Variants in WWP2 observed in about 807,000 individuals in gnomAD.
WWP2 encodes the protein WW domain containing E3 ubiquitin protein ligase 2.
A neutral mutation model predicts 121.0 loss-of-function variants in WWP2; 57 were observed. That is an observed-to-expected ratio of 0.47 (90% CI 0.38 to 0.59). The LOEUF is 0.59. Among genes scored for constraint, WWP2 ranks in the 20% least tolerant of loss-of-function variants. The probability of loss-of-function intolerance (pLI) is 0.00; values close to 1 mark genes in which losing one functional copy is unlikely to be tolerated. For missense variants in WWP2, 962 were observed against 1,158.9 expected (o/e 0.83, Z 2.47); for synonymous variants, 449 against 441.3 (o/e 1.02, Z -0.22).
intron 8 of WWP2, among the ~76,000 whole-genome samples, chr16:69,890,256 TG>T (rs781136305): frequency 1.3e-5 from 2 of 152,142 alleles, no homozygotes; most frequent in Non-Finnish European, 2.9e-5. Flanking sequence ...ACGTACGTAT[TG>T]TTTTCCTAGC....
chr16:69,841,551 G>A lies in WWP2; in HGVS notation c.479-473G>A, dbSNP rs1047386115. 2.0e-5 allele frequency among the ~76,000 whole-genome samples: 3 copies of A among 152,278 alleles called. No homozygotes were observed. The South Asian group carries it at 6.2e-4, about 32-fold the overall frequency. On this transcript the variant is annotated intron_variant, in intron 5 of 23. Transcript: ENST00000359154. ...TCACGCAGCCTTGAAACATTTGGTA[G>A]GGATTTTGGACCTCATCTTGAGAAA...
chr16:69,818,607 G>T (rs1432896133), intron 4 of WWP2, among the ~76,000 whole-genome samples: 1 of 152,086 alleles, frequency 6.6e-6, no homozygotes, highest in East Asian at 1.9e-4. Flanking sequence ...AAACCCAATG[G>T]TCACTTCTCA....
At chr16:69,765,442 A>G (rs904265139) in intron 1 of WWP2, among the ~76,000 whole-genome samples, 1 of 152,184 alleles carries the variant, frequency 6.6e-6, no homozygotes, top group Non-Finnish European at 1.5e-5. Flanking sequence ...TGGATCTTCA[A>G]TTTTATTAGA....
intron 4 of WWP2, among the ~76,000 whole-genome samples, chr16:69,827,025 TC>T (rs1333615337): frequency 6.6e-6 from 1 of 150,794 alleles, no homozygotes; most frequent in Non-Finnish European, 1.5e-5. Flanking sequence ...CCAGCACACA[TC>T]TACTTGTCCT....
chr16:69,887,171 G>A (rs748420287), intron 7 of WWP2, among the ~76,000 whole-genome samples: 19 of 152,170 alleles, frequency 1.2e-4, no homozygotes, highest in Non-Finnish European at 1.3e-4. Flanking sequence ...TTTCACTTCT[G>A]TCTCATTGTC....
chr16:69,934,939 G>A (rs1489492308), intron 17 of WWP2, among the ~76,000 whole-genome samples: 2 of 152,178 alleles, frequency 1.3e-5, no homozygotes, highest in African/African-American at 4.8e-5. Flanking sequence ...TAGACTGGCT[G>A]GTGCAGGGTG....
At chr16:69,835,719 G>A (rs2056864481) in intron 4 of WWP2, among the ~76,000 whole-genome samples, 1 of 151,964 alleles carries the variant, frequency 6.6e-6, no homozygotes, top group African/African-American at 2.4e-5. Context: ...CTTCTAAAAA[G>A]TCACTTGAAA....
intron 7 of WWP2, among the ~76,000 whole-genome samples, 180 bp downstream of exon 7, chr16:69,872,111 A>G (rs2057651337): frequency 6.6e-6 from 1 of 152,232 alleles, no homozygotes; most frequent in Admixed American, 6.5e-5. Flanking sequence ...TCTCTCTGGC[A>G]TATTCTGTAC....
chr16:69,863,929 T>G (rs954802490), intron 6 of WWP2, among the ~76,000 whole-genome samples: 2 of 152,246 alleles, frequency 1.3e-5, no homozygotes, highest in Non-Finnish European at 2.9e-5. Context: ...TTCCACTATG[T>G]GTATGTACCA....
Position 69,897,943 on chromosome 16 carries a change from A to C in WWP2, c.914+9694A>C, listed in dbSNP as rs1473937996. Among the ~76,000 whole-genome samples the C allele has an allele frequency of 2.6e-5, 4 of 151,992 alleles. No individual in the cohort carries two copies. The East Asian group carries it at 7.7e-4, about 29-fold the overall frequency. ...AACAAAACAAAACAAAACAAAAAAA[A>C]CACAATGAAACAATGGCTGCAGTAA... On this transcript the variant is annotated intron_variant, in intron 8 of 23. Transcript: ENST00000359154.
At chr16:69,798,546 T>A in intron 2 of WWP2, 136 bp from the exon 3 acceptor site, 1 of 1,089,314 alleles carries the variant, frequency 9.2e-7, no homozygotes, top group Admixed American at 2.7e-5. Flanking sequence ...TTAAAAAGTT[T>A]TTAGAATCAA....
chr16:69,878,991 C>T (rs535006874), intron 7 of WWP2, among the ~76,000 whole-genome samples: 7 of 152,128 alleles, frequency 4.6e-5, no homozygotes, highest in African/African-American at 9.6e-5. Flanking sequence ...TTGTAAATAT[C>T]GGTTTATAAT....
At chr16:69,845,019 G>T (rs908439983) in intron 6 of WWP2, among the ~76,000 whole-genome samples, 2 of 152,212 alleles carry the variant, frequency 1.3e-5, no homozygotes, top group Admixed American at 1.3e-4. Context: ...TGGCCAAGGA[G>T]TCTATTGGAT....
At chr16:69,868,626 C>T (rs892237141) in intron 6 of WWP2, among the ~76,000 whole-genome samples, 1 of 151,846 alleles carries the variant, frequency 6.6e-6, no homozygotes, top group Admixed American at 6.6e-5. Context: ...CCAATTTTCT[C>T]CCTCAAGCTC....
intron 2 of WWP2, among the ~76,000 whole-genome samples, chr16:69,796,088 A>G (rs1164237083): frequency 1.3e-5 from 2 of 152,008 alleles, no homozygotes; most frequent in Non-Finnish European, 2.9e-5. Context: ...CTGTAAATTA[A>G]ATATTAGTAT....
chr16:69,895,685 C>T (rs1039638990), intron 8 of WWP2, among the ~76,000 whole-genome samples: 3 of 152,082 alleles, frequency 2.0e-5, no homozygotes, highest in African/African-American at 7.2e-5. Context: ...GCATAAGTCC[C>T]GGAAGTCGAG....
chr16:69,818,014 G>A (rs2056527719), intron 4 of WWP2, among the ~76,000 whole-genome samples: 1 of 151,898 alleles, frequency 6.6e-6, no homozygotes, highest in South Asian at 2.1e-4. Flanking sequence ...CCTGCTGCCT[G>A]TGTCCATGGC....
intron 8 of WWP2, among the ~76,000 whole-genome samples, chr16:69,903,380 A>T (rs1002234275): frequency 3.3e-5 from 5 of 152,256 alleles, no homozygotes; most frequent in African/African-American, 1.2e-4. Flanking sequence ...CCAAAGTGTA[A>T]TAAAATCAGT....
At chr16:69,836,619 T>C (rs1250046098) in intron 4 of WWP2, among the ~76,000 whole-genome samples, 2 of 152,138 alleles carry the variant, frequency 1.3e-5, no homozygotes, top group Non-Finnish European at 2.9e-5. Flanking sequence ...ATTAAATTAA[T>C]TTATTTTTTG....
Sources: gnomAD v4.1 joint callset for allele counts (sites outside exome capture counted in the v4.1 genomes callset) on GRCh38, gnomAD v4.1.1 for gene constraint, MANE v1.5 for transcripts, NCBI Gene and HGNC (gene_info 2026-07-23, HGNC 2026-07-21) for gene names.